The following CHAT variants were observed in gnomAD, a reference collection of about 807,000 sequenced individuals.
CHAT encodes the protein choline O-acetyltransferase.
Under a neutral mutation model 76.9 loss-of-function variants are expected in CHAT, and 61 were observed. The ratio of observed to expected loss-of-function variants is 0.79; its 90% CI spans 0.65 to 0.98. The LOEUF is 0.98. Ranked by LOEUF, CHAT falls within the 50% of genes least tolerant of loss-of-function variation. CHAT has a pLI of 0.00. For synonymous variants in CHAT, 407 were observed against 397.4 expected, an observed-to-expected ratio of 1.02 and a Z score of -0.29; for missense variants, 946 against 986.9, an observed-to-expected ratio of 0.96 and a Z score of 0.56.
At chr10:49,639,629 G>A (rs565944692) in intron 7 of CHAT, among the ~76,000 whole-genome samples, 1 of 151,090 alleles carries the variant, frequency 6.6e-6, no homozygotes, top group East Asian at 2.0e-4. Flanking sequence ...TTTCTCTCTT[G>A]CTGTTTTCAA....
At chr10:49,634,538 G>C (rs72795715) in intron 7 of CHAT, among the ~76,000 whole-genome samples, 23,212 of 152,026 alleles carry the variant, frequency 0.15, 2,370 homozygotes, top group East Asian at 0.45. Context: ...TGAACTCTGT[G>C]GTGCATTTTG....
chr10:49,653,664 T>G (rs560269492), intron 11 of CHAT, among the ~76,000 whole-genome samples: 1 of 152,310 alleles, frequency 6.6e-6, no homozygotes, highest in East Asian at 1.9e-4. Context: ...CTGCTGAGAC[T>G]TGAAGAGGCA....
intron 7 of CHAT, among the ~76,000 whole-genome samples, chr10:49,635,643 G>T (rs1057492148): frequency 6.6e-6 from 1 of 152,008 alleles, no homozygotes; most frequent in African/African-American, 2.4e-5. Flanking sequence ...TGAAGACAAT[G>T]CAATCCACCA....
upstream of CHAT, chr10:49,611,077 C>T (rs1264332909): frequency 1.2e-6 from 2 of 1,614,054 alleles, no homozygotes; most frequent in Non-Finnish European, 1.7e-6. Flanking sequence ...AGCCCTTCGG[C>T]CCCGCTACCC....
At chr10:49,656,056 AT>A (rs1840024175) in intron 13 of CHAT, among the ~76,000 whole-genome samples, 1 of 152,228 alleles carries the variant, frequency 6.6e-6, no homozygotes, top group African/African-American at 2.4e-5. Context: ...CAATACCTGC[AT>A]TGCAAGTCAT....
intron 8 of CHAT, 134 bp from the exon 9 acceptor site, chr10:49,648,373 C>A: frequency 1.4e-6 from 1 of 711,502 alleles, no homozygotes; most frequent in South Asian, 1.5e-5. Flanking sequence ...GCAGTGTTCT[C>A]TTCAGGAAAT....
chr10:49,614,015 T>G, upstream of CHAT: 10 of 1,153,260 alleles, frequency 8.7e-6, no homozygotes, highest in Non-Finnish European at 1.1e-5. Flanking sequence ...AATAATGGGG[T>G]TGGGGAAGTG....
intron 7 of CHAT, among the ~76,000 whole-genome samples, chr10:49,645,262 CCACA>C (rs781197747): frequency 2.0e-5 from 3 of 152,150 alleles, no homozygotes; most frequent in African/African-American, 4.8e-5. Flanking sequence ...ACCCATCTTC[CCACA>C]CACAGAGCAC....
Position 49,667,004 on chromosome 10 carries a change from C to G in CHAT, c.*1958C>G, listed in dbSNP as rs145087594. On this transcript the variant is annotated 3_prime_UTR_variant, in exon 15 of 15. Coordinates refer to ENST00000337653, the MANE Select transcript of CHAT (RefSeq NM_020549.5). ...CAGCTATGGGGCCAGGCAGCCCCAC[C>G]AACCTCGGCCAAATGACATGCATGC... Among the ~76,000 whole-genome samples the G allele has an allele frequency of 8.6e-3, 1,305 of 152,300 alleles. 11 individuals are homozygous for G. The highest frequency in any genetic ancestry group is 0.012 in the Non-Finnish European group (835 of 68,022).
intron 7 of CHAT, among the ~76,000 whole-genome samples, chr10:49,631,425 T>C (rs1839115728): frequency 1.3e-5 from 2 of 152,200 alleles, no homozygotes; most frequent in African/African-American, 4.8e-5. Flanking sequence ...CCAAATGGCC[T>C]AGTGTAACTT....
chr10:49,611,843 G>GGGCTGGCTGTGAT, upstream of CHAT: 1 of 1,604,710 alleles, frequency 6.2e-7, no homozygotes, highest in Non-Finnish European at 8.5e-7. Flanking sequence ...GCTGTGATCG[G>GGGCTGGCTGTGAT]CGCCAGCTCG....
Position 49,648,614 on chromosome 10 carries a change from C to T in CHAT, c.1382+7C>T. ...AGCATCTGCTCAAGCACGTGTGAGT[C>T]TGGATCCCAGGGCTGCCATGCTGGG... On this transcript the variant is annotated splice_region_variant and intron_variant, in intron 9 of 14. Transcript: ENST00000337653. 1 of 1,600,522 alleles carries T rather than the reference C, an allele frequency of 6.2e-7. No homozygotes were observed.
intron 7 of CHAT, among the ~76,000 whole-genome samples, chr10:49,645,086 A>C (rs1019802162): frequency 6.6e-6 from 1 of 152,110 alleles, no homozygotes; most frequent in Non-Finnish European, 1.5e-5. Flanking sequence ...GAATTTAGAC[A>C]CCTGGTTACC....
rs1355136543 is a variant in CHAT, at chr10:49,625,620, G to A, written c.900G>A (p.Glu300=). The A allele has an allele frequency of 1.9e-6, 3 of 1,591,160 alleles. No individual in the cohort carries two copies. ...LVAQNSSIMP[E]PEHVIVACCN... ...CTCAGAACAGCAGCATCATGCCGGA[G>A]CCTGAGCACGTCATCGTAGCCTGCT... The change falls in exon 6 of 15, where the codon GAG becomes GAA. Residue 300 remains glutamate, a synonymous_variant. Coordinates refer to ENST00000337653, the MANE Select transcript of CHAT (RefSeq NM_020549.5).
rs1026140665 is a variant in CHAT, at chr10:49,630,643, T to C, written c.1111+2858T>C. Among the ~76,000 whole-genome samples the C allele has an allele frequency of 2.6e-5, 4 of 152,018 alleles. No individual in the cohort carries two copies. The East Asian group carries it at 7.8e-4, about 29-fold the overall frequency. ...AAGAGGATGAGGGTCAAGGGAGGTG[T>C]TTTTAGGAGGAGAGACAAATGTATG... On this transcript the variant is annotated intron_variant, in intron 7 of 14. Transcript: ENST00000337653.
At chr10:49,610,681 GC>G, upstream of CHAT, 1 of 1,440,266 alleles carries the variant, frequency 6.9e-7, no homozygotes, top group Non-Finnish European at 9.1e-7. Context: ...CCTCTGCACT[GC>G]GGGACGCCAG....
intron 13 of CHAT, among the ~76,000 whole-genome samples, chr10:49,657,955 A>C (rs1195956996): frequency 6.6e-6 from 1 of 152,242 alleles, no homozygotes. Flanking sequence ...ATCATACATA[A>C]ATCTTCTAAT....
intron 7 of CHAT, among the ~76,000 whole-genome samples, chr10:49,639,722 G>C (rs1471853983): frequency 1.3e-5 from 2 of 152,044 alleles, no homozygotes; most frequent in Non-Finnish European, 2.9e-5. Context: ...CATGTTTGGG[G>C]TTAACTTACC....
chr10:49,621,312 C>T (rs1838699289), intron 4 of CHAT, among the ~76,000 whole-genome samples: 1 of 152,168 alleles, frequency 6.6e-6, no homozygotes, highest in Non-Finnish European at 1.5e-5. Flanking sequence ...GGAAGACCTC[C>T]CCACCCCACC....
Sources: gnomAD v4.1 joint callset for allele counts (sites outside exome capture counted in the v4.1 genomes callset) on GRCh38, gnomAD v4.1.1 for gene constraint, MANE v1.5 for transcripts, NCBI Gene and HGNC (gene_info 2026-07-23, HGNC 2026-07-21) for gene names.